Variants in STAT5B observed in about 807,000 individuals in gnomAD.
STAT5B encodes transcription factor STAT5B.
Under a neutral mutation model 107.8 loss-of-function variants are expected in STAT5B, and 21 were observed. The observed-to-expected ratio is 0.19, with a 90% CI of 0.14 to 0.28. STAT5B has a LOEUF of 0.28. Ranked by LOEUF, STAT5B falls within the 10% of genes least tolerant of loss-of-function variation. The pLI, the probability that STAT5B is intolerant of heterozygous loss-of-function variation, is 1.00. For missense variants in STAT5B, 565 were observed against 1,008.2 expected, an observed-to-expected ratio of 0.56 and a Z score of 5.95; for synonymous variants, 325 against 401.7, an observed-to-expected ratio of 0.81 and a Z score of 2.28.
At chr17:42,278,735 C>T (rs772613508), upstream of STAT5B, among the ~76,000 whole-genome samples, 1 of 152,060 alleles carries the variant, frequency 6.6e-6, no homozygotes, top group Non-Finnish European at 1.5e-5. Flanking sequence ...AGTCCCAGCA[C>T]TTTGGGAAGC....
intron 1 of STAT5B, among the ~76,000 whole-genome samples, chr17:42,238,451 C>CTTTTTTTTTTTTTT (rs75642417): frequency 8.0e-6 from 1 of 124,848 alleles, no homozygotes; most frequent in Non-Finnish European, 1.7e-5. Flanking sequence ...TGTGCCTGGC[C>CTTTTTTTTTTTTTT]TTTTTTTTTT....
upstream of STAT5B, among the ~76,000 whole-genome samples, chr17:42,277,474 C>A (rs1443761197): frequency 6.6e-6 from 1 of 152,208 alleles, no homozygotes; most frequent in African/African-American, 2.4e-5. Flanking sequence ...TCTTCACCTC[C>A]AGAATGACAC....
At chr17:42,246,104 T>C (rs2080449619) in intron 1 of STAT5B, among the ~76,000 whole-genome samples, 1 of 152,210 alleles carries the variant, frequency 6.6e-6, no homozygotes, top group South Asian at 2.1e-4. Context: ...TGGTACAATT[T>C]TTGTAAAGTT....
At position 42,218,500 on chromosome 17, in the gene STAT5B, G is replaced by A. The variant is rs2080193807; in HGVS notation, c.990-170C>T. Among the ~76,000 whole-genome samples the A allele has an allele frequency of 4.6e-5, 7 of 152,308 alleles. No individual in the cohort carries two copies. The South Asian group carries it at 1.5e-3, about 32-fold the overall frequency. On this transcript the variant is annotated intron_variant, in intron 8 of 18. Transcript: ENST00000293328. ...CGTGAGAGTCCAGGGAGAGGATGGAGAGGGGAGTGAGATAACACAGAAGCT... is the reference window on the plus strand; with the variant it reads ...CGTGAGAGTCCAGGGAGAGGATGGAAAGGGGAGTGAGATAACACAGAAGCT...
the STAT5B span, among the ~76,000 whole-genome samples, chr17:42,286,073 G>C: frequency 6.6e-6 from 1 of 151,784 alleles, no homozygotes; most frequent in Non-Finnish European, 1.5e-5. Context: ...TACAAAATTA[G>C]AAATACAAAA....
intron 1 of STAT5B, among the ~76,000 whole-genome samples, chr17:42,241,412 T>C (rs921929939): frequency 4.0e-5 from 6 of 151,106 alleles, no homozygotes; most frequent in African/African-American, 1.5e-4. Context: ...CATTATTAAA[T>C]ATATTAAATG....
rs1320188024 is a variant in STAT5B at position 42,260,875 on chromosome 17, T to C, written c.-11+15373A>G. On this transcript the variant is annotated intron_variant, in intron 1 of 18. Coordinates refer to ENST00000293328, the MANE Select transcript of STAT5B (RefSeq NM_012448.4). ...TCTAGAACATAAATATTCCACATAC[T>C]GTACACAATTATTGCTTAGTTTCCT... Among the ~76,000 whole-genome samples, 3 of 152,046 alleles carry C rather than the reference T, an allele frequency of 2.0e-5. No homozygotes were observed. The East Asian group carries it at 5.8e-4, about 29-fold the overall frequency.
chr17:42,251,400 C>G (rs1369896534), intron 1 of STAT5B, among the ~76,000 whole-genome samples: 3 of 152,172 alleles, frequency 2.0e-5, no homozygotes, highest in Admixed American at 2.0e-4. Flanking sequence ...TAAGGGGCTT[C>G]CATTAGTTAC....
chr17:42,226,578 A>G (rs1467928771), intron 3 of STAT5B, among the ~76,000 whole-genome samples: 2 of 151,144 alleles, frequency 1.3e-5, no homozygotes, highest in Non-Finnish European at 3.0e-5. Flanking sequence ...GAGGCCGAGG[A>G]GGGTGAATCA....
intron 2 of STAT5B, 39 bp from the exon 3 acceptor site, chr17:42,227,724 C>G: frequency 6.2e-7 from 1 of 1,606,522 alleles, no homozygotes; most frequent in Non-Finnish European, 8.5e-7. Context: ...TACATACATG[C>G]ACGTGAGCCT....
intron 6 of STAT5B, 38 bp downstream of exon 6, chr17:42,219,674 G>A (rs756966112): frequency 7.1e-5 from 112 of 1,581,892 alleles, no homozygotes; most frequent in Non-Finnish European, 9.4e-5. Flanking sequence ...CTGACTTCAT[G>A]GCACCCACGC....
At chr17:42,220,647 C>A (rs890113317) in intron 5 of STAT5B, among the ~76,000 whole-genome samples, 1 of 152,122 alleles carries the variant, frequency 6.6e-6, no homozygotes, top group Non-Finnish European at 1.5e-5. Flanking sequence ...AGAGGGAGAG[C>A]ATGTCCAGGG....
chr17:42,232,008 G>A lies in STAT5B; in HGVS notation c.120C>T (p.Ser40=). The A allele has an allele frequency of 2.5e-6, 4 of 1,613,808 alleles. No individual in the cohort carries two copies. The South Asian group carries it at 3.3e-5, about 13-fold the overall frequency. The change falls in exon 2 of 19, where the codon AGC becomes AGT. Residue 40 remains serine, a synonymous_variant. Coordinates refer to ENST00000293328, the MANE Select transcript of STAT5B (RefSeq NM_012448.4). The stretch of plus-strand genomic sequence containing the variant: ...CATCCTTGTTCACCTACCATGCTTG[G>A]CTTTCAATCCACTGGGATAAATAAT... The part of the protein sequence containing the change: ...VRHYLSQWIE[S]QAWDSVDLDN...
upstream of STAT5B, among the ~76,000 whole-genome samples, chr17:42,281,058 C>T (rs575590638): frequency 1.6e-4 from 24 of 151,410 alleles, 1 homozygote; most frequent in African/African-American, 5.6e-4. Flanking sequence ...GGCGTGAACC[C>T]GGGAGGCTGA....
At chr17:42,262,970 G>GTGTGTGTGTA (rs2080626695) in intron 1 of STAT5B, among the ~76,000 whole-genome samples, 2 of 20,946 alleles carry the variant, frequency 9.5e-5, no homozygotes, top group East Asian at 1.5e-3. Flanking sequence ...GTGTGTGTGT[G>GTGTGTGTGTA]TATATATATA....
chr17:42,288,203 T>A, the STAT5B span: 1 of 151,896 alleles, frequency 6.6e-6, no homozygotes, highest in South Asian at 2.1e-4. This position sits in a 1 kb window ranked among gnomAD's most constrained non-coding sequence, Gnocchi z 4.8. Flanking sequence ...ACAACCACAT[T>A]CCCCCGGCTA....
At chr17:42,280,593 C>T (rs2080791567), upstream of STAT5B, among the ~76,000 whole-genome samples, 2 of 152,094 alleles carry the variant, frequency 1.3e-5, no homozygotes, top group South Asian at 2.1e-4. Flanking sequence ...TCCCTTTTTC[C>T]CTGTGGGGAT....
chr17:42,270,382 T>C (rs1388203206), intron 1 of STAT5B: 1 of 152,142 alleles, frequency 6.6e-6, no homozygotes, highest in Non-Finnish European at 1.5e-5. Context: ...CAGACGTGCA[T>C]GTCAACACAA....
chr17:42,282,178 G>C, the STAT5B span, among the ~76,000 whole-genome samples: 1 of 152,162 alleles, frequency 6.6e-6, no homozygotes, highest in East Asian at 1.9e-4. Context: ...CTCTATTGTG[G>C]ACAAGCAGTG....
Sources: allele counts gnomAD v4.1 joint callset (sites outside exome capture counted in the v4.1 genomes callset), GRCh38; gene constraint gnomAD v4.1.1; non-coding constraint Gnocchi (gnomAD v3.1); transcripts MANE v1.5; gene names NCBI Gene and HGNC (gene_info 2026-07-23, HGNC 2026-07-21).